The following THSD7B variants were observed in gnomAD, a reference collection of about 807,000 sequenced individuals.
THSD7B encodes thrombospondin type 1 domain containing 7B, also known as thrombospondin type-1 domain-containing protein 7B.
THSD7B carries 138 observed loss-of-function variants against 213.6 expected under a neutral mutation model. That is an observed-to-expected ratio of 0.65 (90% CI 0.56 to 0.74). The LOEUF (loss-of-function observed/expected upper bound fraction) is 0.74, where lower values mean the gene tolerates loss of function less well. THSD7B is among the 30% of genes least tolerant of loss of function. The pLI, the probability that THSD7B is intolerant of heterozygous loss-of-function variation, is 0.00. For synonymous variants in THSD7B, 742 were observed against 687.0 expected, an observed-to-expected ratio of 1.08 and a Z score of -1.25; for missense variants, 1,931 against 1,991.5, an observed-to-expected ratio of 0.97 and a Z score of 0.58.
At chr2:137,486,736 G>C (rs1438767485) in intron 15 of THSD7B, among the ~76,000 whole-genome samples, 6 of 152,268 alleles carry the variant, frequency 3.9e-5, no homozygotes, top group Non-Finnish European at 8.8e-5. Flanking sequence ...TGATCACATA[G>C]TTGGAAGTAA....
chr2:137,013,715 TCCA>T (rs1244301263), intron 2 of THSD7B, among the ~76,000 whole-genome samples: 3 of 152,032 alleles, frequency 2.0e-5, no homozygotes, highest in Non-Finnish European at 4.4e-5. Flanking sequence ...AAACCCATCC[TCCA>T]CCCCCTACAC....
At chr2:137,262,650 G>A (rs899456771) in intron 10 of THSD7B, among the ~76,000 whole-genome samples, 2 of 152,102 alleles carry the variant, frequency 1.3e-5, no homozygotes, top group Non-Finnish European at 1.5e-5. Flanking sequence ...GAGCTGTAAT[G>A]GTTTAGCTAG....
intron 12 of THSD7B, among the ~76,000 whole-genome samples, chr2:137,361,204 C>A (rs1267744765): frequency 6.6e-6 from 1 of 152,076 alleles, no homozygotes; most frequent in Admixed American, 6.6e-5. Context: ...AAAGGACATC[C>A]ACACCAAAAC....
At chr2:137,365,618 C>T (rs1685389245) in intron 12 of THSD7B, among the ~76,000 whole-genome samples, 1 of 152,198 alleles carries the variant, frequency 6.6e-6, no homozygotes, top group Non-Finnish European at 1.5e-5. Flanking sequence ...GACATTTATG[C>T]AGCCAACAGA....
At chr2:137,591,866 CAGTT>C in intron 17 of THSD7B, among the ~76,000 whole-genome samples, 1 of 151,860 alleles carries the variant, frequency 6.6e-6, no homozygotes, top group African/African-American at 2.4e-5. Flanking sequence ...TTCTGTCTAA[CAGTT>C]ATGCTGTTTT....
At chr2:136,778,254 C>A (rs1367577063) in intron 1 of THSD7B, among the ~76,000 whole-genome samples, 3 of 152,196 alleles carry the variant, frequency 2.0e-5, no homozygotes, top group African/African-American at 7.2e-5. Context: ...CATTCAAAAT[C>A]TTACACTCTG....
chr2:136,874,396 A>G (rs1683491426), intron 1 of THSD7B, among the ~76,000 whole-genome samples: 1 of 152,200 alleles, frequency 6.6e-6, no homozygotes, highest in Non-Finnish European at 1.5e-5. Flanking sequence ...AGTGGGATGC[A>G]GAATATTGCA....
At chr2:137,310,519 T>C (rs879556764) in intron 12 of THSD7B, among the ~76,000 whole-genome samples, 77 of 150,892 alleles carry the variant, frequency 5.1e-4, no homozygotes, top group Non-Finnish European at 7.5e-4. Context: ...TGAGATCCCA[T>C]TTGTCAATTT....
intron 12 of THSD7B, among the ~76,000 whole-genome samples, chr2:137,296,427 G>A (rs1683464298): frequency 6.6e-6 from 1 of 152,064 alleles, no homozygotes; most frequent in Non-Finnish European, 1.5e-5. Context: ...CATCTAAGGG[G>A]CTAACATACA....
chr2:137,306,060 A>C (rs1054829147), intron 12 of THSD7B, among the ~76,000 whole-genome samples: 2 of 152,172 alleles, frequency 1.3e-5, no homozygotes, highest in Non-Finnish European at 2.9e-5. Context: ...CAGGACTGGA[A>C]GTTGCTCTGG....
intron 12 of THSD7B, among the ~76,000 whole-genome samples, chr2:137,279,074 A>C (rs1682936770): frequency 6.6e-6 from 1 of 152,120 alleles, no homozygotes; most frequent in African/African-American, 2.4e-5. Context: ...GAATTGGCTA[A>C]CGGAGCTATA....
At chr2:137,191,422 G>A (rs891943547) in intron 7 of THSD7B, among the ~76,000 whole-genome samples, 9 of 151,980 alleles carry the variant, frequency 5.9e-5, no homozygotes, top group African/African-American at 2.2e-4. Context: ...TAGGAACAAA[G>A]TATGGGGCTT....
At chr2:137,026,601 C>T (rs1573774626) in intron 2 of THSD7B, among the ~76,000 whole-genome samples, 1 of 152,084 alleles carries the variant, frequency 6.6e-6, no homozygotes, top group South Asian at 2.1e-4. Flanking sequence ...ATCTCCCTAC[C>T]CCCAGGTATT....
At chr2:137,266,775 T>C (rs542126229) in intron 10 of THSD7B, among the ~76,000 whole-genome samples, 138 of 152,340 alleles carry the variant, frequency 9.1e-4, no homozygotes, top group African/African-American at 3.1e-3. Flanking sequence ...GGCCACACGT[T>C]CATCTCCAAC....
intron 15 of THSD7B, among the ~76,000 whole-genome samples, chr2:137,513,021 G>C (rs558010501): frequency 1.9e-4 from 29 of 152,210 alleles, no homozygotes; most frequent in Non-Finnish European, 3.5e-4. Flanking sequence ...TACCTTCAAA[G>C]CAACACTACT....
At chr2:137,316,831 A>T (rs151161049) in intron 12 of THSD7B, among the ~76,000 whole-genome samples, 1 of 151,850 alleles carries the variant, frequency 6.6e-6, no homozygotes, top group African/African-American at 2.4e-5. Flanking sequence ...TGATGGGGAG[A>T]GGATGGGGAG....
chr2:137,109,392 A>G (rs1051196968), intron 4 of THSD7B, among the ~76,000 whole-genome samples: 13 of 152,306 alleles, frequency 8.5e-5, no homozygotes, highest in African/African-American at 3.1e-4. Flanking sequence ...GAACTTGGAA[A>G]GGGGGATGGT....
At chr2:137,348,862 C>A (rs1684941431) in intron 12 of THSD7B, among the ~76,000 whole-genome samples, 2 of 151,362 alleles carry the variant, frequency 1.3e-5, no homozygotes, top group Admixed American at 6.6e-5. Context: ...GTCATTTATG[C>A]ATATAGATAG....
intron 2 of THSD7B, among the ~76,000 whole-genome samples, chr2:137,014,958 T>G (rs1208984403): frequency 2.0e-5 from 3 of 152,042 alleles, no homozygotes; most frequent in African/African-American, 7.2e-5. Context: ...GTGTCATACC[T>G]CTGGTCTCAG....
Sources: allele counts gnomAD v4.1 joint callset (sites outside exome capture counted in the v4.1 genomes callset), GRCh38; gene constraint gnomAD v4.1.1; transcripts MANE v1.5; gene names NCBI Gene and HGNC (gene_info 2026-07-23, HGNC 2026-07-21).